The following SYNE2 variants were observed in gnomAD, a reference collection of about 807,000 sequenced individuals.
SYNE2 encodes nesprin-2.
In SYNE2, 431 loss-of-function variants were observed where a neutral mutation model predicts 856.3. The ratio of observed to expected loss-of-function variants is 0.50; its 90% confidence interval spans 0.47 to 0.55. The LOEUF (loss-of-function observed/expected upper bound fraction) is 0.55, where lower values mean the gene tolerates loss of function less well. Among genes scored for constraint, SYNE2 ranks in the 20% least tolerant of loss-of-function variants. The probability of loss-of-function intolerance (pLI) is 0.00; values close to 1 mark genes in which losing one functional copy is unlikely to be tolerated. For synonymous variants in SYNE2, 2,923 were observed against 2,872.3 expected, an observed-to-expected ratio of 1.02 and a Z score of -0.56; for missense variants, 8,129 against 8,023.2, an observed-to-expected ratio of 1.01 and a Z score of -0.50.
At chr14:63,854,376 G>T (rs1418022934) in intron 1 of SYNE2, among the ~76,000 whole-genome samples, 1 of 152,160 alleles carries the variant, frequency 6.6e-6, no homozygotes, top group Non-Finnish European at 1.5e-5. Flanking sequence ...ATGTTCAGAG[G>T]AGAGTGTTCA....
chr14:64,190,335 T>C, intron 99 of SYNE2, 98 bp downstream of exon 99: 1 of 1,517,684 alleles, frequency 6.6e-7, no homozygotes, highest in Non-Finnish European at 9.1e-7. Flanking sequence ...GATCCAGCAA[T>C]TTTATAAGTT....
At position 64,064,853 on chromosome 14, in the gene SYNE2, CTT is replaced by C. The variant is rs34550127; in HGVS notation, c.10213-562_10213-561del. Among the ~76,000 whole-genome samples the C allele has an allele frequency of 6.4e-3, 786 of 123,636 alleles. 2 individuals are homozygous for C. Among genetic ancestry groups the C allele is most frequent in the African/African-American group, 8.8e-3 (290 of 32,774 alleles). The allele number at this position is 123,636 out of a possible 152,430, so 81.1% of individuals were successfully genotyped here. A position where few individuals can be genotyped will look rare whatever the true frequency, so the allele number is the denominator to read the frequency against. ...GCCACTGTGCCCAGCCACTTATAGA[CTT>C]TTTTTTTTTTTTTTTTATACGGAGT... is the stretch of plus-strand genomic sequence containing the variant. On this transcript the variant is annotated intron_variant, in intron 50 of 115. Coordinates refer to ENST00000555002, the MANE Select transcript of SYNE2 (RefSeq NM_182914.3).
chr14:64,014,972 TATACACAC>T (rs2096878923), intron 32 of SYNE2, among the ~76,000 whole-genome samples: 2 of 83,920 alleles, frequency 2.4e-5, no homozygotes, highest in South Asian at 8.8e-4. Flanking sequence ...TATATATATA[TATACACAC>T]ACACACACAC....
chr14:64,083,738 C>T (rs1197704028), intron 57 of SYNE2, among the ~76,000 whole-genome samples: 1 of 152,130 alleles, frequency 6.6e-6, no homozygotes, highest in African/African-American at 2.4e-5. Context: ...TTTATATTGA[C>T]TTTTAAAGAA....
chr14:64,086,635 A>T (rs12436224), intron 57 of SYNE2, among the ~76,000 whole-genome samples: 55,847 of 150,260 alleles, frequency 0.37, 12,605 homozygotes, highest in Non-Finnish European at 0.48. Context: ...GGAACATGGT[A>T]TATCTCTTTA....
Position 64,036,230 on chromosome 14 carries a change from A to G in SYNE2, c.7221+4873A>G, listed in dbSNP as rs528235728. On this transcript the variant is annotated intron_variant, in intron 45 of 115. Coordinates refer to ENST00000555002, the MANE Select transcript of SYNE2 (RefSeq NM_182914.3). ...AAAAAAAAATCACCTCCCCTATTCTAAGAATGTTTTGAACTTTCTCCACTC... is the reference window on the plus strand; with the variant it reads ...AAAAAAAAATCACCTCCCCTATTCTGAGAATGTTTTGAACTTTCTCCACTC... Among the ~76,000 whole-genome samples the G allele has an allele frequency of 6.0e-5, 9 of 149,760 alleles. No individual in the cohort carries two copies. The South Asian group carries it at 1.9e-3, about 31-fold the overall frequency.
chr14:63,774,468 C>CAA (rs748830808), intron 1 of SYNE2, among the ~76,000 whole-genome samples: 8 of 95,316 alleles, frequency 8.4e-5, no homozygotes, highest in South Asian at 3.7e-4. Context: ...GACTCCGTCT[C>CAA]AAAAAAAAAA....
intron 1 of SYNE2, among the ~76,000 whole-genome samples, chr14:63,859,693 G>C (rs1892974969): frequency 6.6e-6 from 1 of 152,164 alleles, no homozygotes. Flanking sequence ...GCACATGCCT[G>C]TAATTCCAGC....
chr14:63,910,817 A>C (rs1354643241), intron 2 of SYNE2, among the ~76,000 whole-genome samples: 1 of 152,224 alleles, frequency 6.6e-6, no homozygotes, highest in African/African-American at 2.4e-5. Context: ...CTAGGGACTC[A>C]GTATGTACAT....
intron 38 of SYNE2, 72 bp from the exon 39 acceptor site, chr14:64,024,185 G>T: frequency 1.5e-6 from 2 of 1,366,454 alleles, no homozygotes; most frequent in Non-Finnish European, 2.1e-6. Flanking sequence ...GTTTGGAAAA[G>T]TGTCGTGAGG....
chr14:64,208,865 T>C lies in SYNE2; in HGVS notation c.18309T>C (p.Cys6103=). ...DSDACANETE[C]DSIQQTTRSL... ...ATGCCTGTGCAAATGAGACCGAGTG[T>C]GACTCGATCCAGCAGACCACCAGGA... is the stretch of plus-strand genomic sequence containing the variant. Residue 6103 remains cysteine, a synonymous_variant, in exon 101 of 116, where the codon TGT becomes TGC. Coordinates refer to ENST00000555002, the MANE Select transcript of SYNE2 (RefSeq NM_182914.3). 6.2e-7 allele frequency: 1 copy of C among 1,614,158 alleles called. No homozygotes were observed. The highest frequency in any genetic ancestry group is 2.2e-5 in the East Asian group (1 of 44,880).
At chr14:63,998,887 T>C (rs1289795955) in intron 26 of SYNE2, 27 bp from the exon 27 acceptor site, 1 of 1,612,946 alleles carries the variant, frequency 6.2e-7, no homozygotes, top group Non-Finnish European at 8.5e-7. Context: ...AATTAACTAT[T>C]GTGATGTTGC....
chr14:63,976,982 A>AG (rs2096548252), intron 12 of SYNE2, among the ~76,000 whole-genome samples: 1 of 133,956 alleles, frequency 7.5e-6, no homozygotes, highest in South Asian at 2.3e-4. Flanking sequence ...ATAAAGTCTT[A>AG]CCAAAAAAAA....
At chr14:64,012,512 A>ATAT (rs1425346798) in intron 32 of SYNE2, among the ~76,000 whole-genome samples, 13 of 152,214 alleles carry the variant, frequency 8.5e-5, no homozygotes. Context: ...TGAAGTGTGT[A>ATAT]TATAGTAGAA....
At chr14:64,174,629 A>G (rs1489040585) in intron 94 of SYNE2, among the ~76,000 whole-genome samples, 2 of 152,140 alleles carry the variant, frequency 1.3e-5, no homozygotes, top group Non-Finnish European at 2.9e-5. Flanking sequence ...TCTTAGATCC[A>G]TTTACCTTGC....
chr14:63,884,453 A>G (rs2094935851), intron 1 of SYNE2, among the ~76,000 whole-genome samples: 1 of 152,136 alleles, frequency 6.6e-6, no homozygotes, highest in Non-Finnish European at 1.5e-5. Flanking sequence ...CAAAGAAGAA[A>G]GCGGTACTGT....
At chr14:63,994,112 A>G (rs1268439909) in intron 22 of SYNE2, 143 bp downstream of exon 22, 3 of 821,828 alleles carry the variant, frequency 3.7e-6, no homozygotes, top group Non-Finnish European at 5.9e-6. Flanking sequence ...CCCAGGGTTC[A>G]TACAGAGTTT....
chr14:64,185,111 A>G (rs1043090469), intron 96 of SYNE2, among the ~76,000 whole-genome samples: 6 of 152,204 alleles, frequency 3.9e-5, no homozygotes, highest in Non-Finnish European at 5.9e-5. Flanking sequence ...TATAAAAATT[A>G]GCCAGTTGTG....
chr14:63,899,952 T>C (rs2095313714), intron 1 of SYNE2, among the ~76,000 whole-genome samples: 1 of 152,234 alleles, frequency 6.6e-6, no homozygotes, highest in Admixed American at 6.5e-5. Context: ...TTAATAAATG[T>C]TAATTGTTGT....
Sources: gnomAD v4.1 joint callset for allele counts (sites outside exome capture counted in the v4.1 genomes callset) on GRCh38, gnomAD v4.1.1 for gene constraint, MANE v1.5 for transcripts, NCBI Gene and HGNC (gene_info 2026-07-23, HGNC 2026-07-21) for gene names.